Variants in KIF2C observed in about 807,000 individuals in gnomAD.
KIF2C encodes the protein kinesin family member 2C, also known as kinesin-like protein KIF2C.
In KIF2C, 34 loss-of-function variants were observed where a neutral mutation model predicts 97.4. The ratio of observed to expected loss-of-function variants is 0.35; its 90% CI spans 0.27 to 0.46. The LOEUF (loss-of-function observed/expected upper bound fraction) is 0.46. KIF2C is among the 20% of genes least tolerant of loss of function. The probability of loss-of-function intolerance (pLI) is 1.00; values close to 1 mark genes in which losing one functional copy is unlikely to be tolerated. For synonymous variants in KIF2C, 313 were observed against 318.2 expected, an observed-to-expected ratio of 0.98 and a Z score of 0.17; for missense variants, 750 against 907.6, an observed-to-expected ratio of 0.83 and a Z score of 2.23.
intron 7 of KIF2C, 43 bp from the exon 8 acceptor site, chr1:44,754,707 A>G: frequency 8.6e-7 from 1 of 1,166,562 alleles, no homozygotes; most frequent in East Asian, 2.3e-5. Flanking sequence ...GAGAGCACTT[A>G]TATCTTAACA....
Position 44,767,174 on chromosome 1 carries a change from C to T in KIF2C, c.2173C>T (p.Gln725Ter), listed in dbSNP as rs1390781975. Residue 725 changes from glutamine (Q) to a stop codon, truncating the protein, a stop_gained, in exon 21 of 21, where the codon CAG becomes TAG. Transcript: ENST00000372224. LOFTEE classifies it high-confidence loss of function. Reference sequence around the variant, plus strand: ...ACAAATAAGCAGCAAGAAACGGCCCCAGTGACGACTGCAAATAAAAATCTG... The same window carrying T: ...ACAAATAAGCAGCAAGAAACGGCCCTAGTGACGACTGCAAATAAAAATCTG... ...SRQISSKKRP[Q>*] is the part of the protein sequence containing the mutation. 1 of 1,613,876 alleles carries T rather than the reference C, an allele frequency of 6.2e-7. No individual in the cohort carries two copies. Among genetic ancestry groups the T allele is most frequent in the Non-Finnish European group, 8.5e-7 (1 of 1,179,928 alleles).
At chr1:44,765,101 CAG>C (rs996177747) in intron 19 of KIF2C, among the ~76,000 whole-genome samples, 6 of 152,046 alleles carry the variant, frequency 3.9e-5, no homozygotes, top group African/African-American at 1.4e-4. Flanking sequence ...GCCTGGGCAA[CAG>C]AGCAAGACTG....
In KIF2C at chr1:44,747,713, C is replaced by G. The variant is rs1440359110; in HGVS notation, c.316+13C>G. Reference sequence around the variant, plus strand: ...GCTCCAAAAGAAAGTAAGTGGATTTCTACTAGCTTACTATCATGGAATTTG... The same window carrying G: ...GCTCCAAAAGAAAGTAAGTGGATTTGTACTAGCTTACTATCATGGAATTTG... On this transcript the variant is annotated intron_variant, in intron 4 of 20. Coordinates refer to ENST00000372224, the MANE Select transcript of KIF2C (RefSeq NM_006845.4). The G allele has an allele frequency of 2.5e-6, 4 of 1,609,354 alleles. No homozygotes were observed. In the African/African-American group the frequency reaches 4.0e-5, roughly 16 times the overall value.
intron 19 of KIF2C, among the ~76,000 whole-genome samples, chr1:44,765,850 G>A (rs188396986): frequency 4.6e-5 from 7 of 152,320 alleles, no homozygotes; most frequent in Admixed American, 2.6e-4. Context: ...TCGGGAATTT[G>A]AGACCAGCCT....
chr1:44,766,856 A>T lies in KIF2C; in HGVS notation c.2002A>T (p.Met668Leu), dbSNP rs1188960032. The T allele has an allele frequency of 6.2e-7, 1 of 1,614,226 alleles. No homozygotes were observed. The highest frequency in any genetic ancestry group is 1.1e-5 in the South Asian group (1 of 91,084). Residue 668 changes from methionine to leucine, a missense_variant, in exon 20 of 21, where the codon ATG (methionine) becomes TTG (leucine). By Grantham distance (15) the Met-to-Leu change is conservative (BLOSUM62 2). Transcript: ENST00000372224. ...ACCAGACTGGCTTGAGCTCTCTGAG[A>T]TGACCGAGCAGCCAGACTATGACCT... Reference protein sequence around the residue: ...QGPDWLELSEMTEQPDYDLET... With the variant: ...QGPDWLELSELTEQPDYDLET...
intron 19 of KIF2C, among the ~76,000 whole-genome samples, chr1:44,764,948 C>T (rs185177951): frequency 0.016 from 2,462 of 151,952 alleles, 71 homozygotes; most frequent in Admixed American, 0.056. Flanking sequence ...GGTGAAACCC[C>T]GTCTCTACTA....
intron 1 of KIF2C, 146 bp downstream of exon 1, chr1:44,740,148 T>G (rs1252082715): frequency 4.2e-6 from 4 of 952,180 alleles, no homozygotes; most frequent in Non-Finnish European, 6.8e-6. Flanking sequence ...GTCTCTGCAC[T>G]GGCAGTCATT....
In KIF2C at chr1:44,767,505, A is replaced by G. The variant is rs565212067; in HGVS notation, c.*326A>G. 3.9e-5 allele frequency: 11 copies of G among 278,960 alleles called. No homozygotes were observed. Among genetic ancestry groups the G allele is most frequent in the African/African-American group, 2.4e-4 (11 of 45,796 alleles). The allele number at this position is 278,960 out of a possible 1,614,324, so 17.3% of individuals were successfully genotyped here. ...TCCTGCCTGCGTGGACTGGCTGCTA[A>G]TGGAGAGCTCCCTGGGGTTGTCCTG... On this transcript the variant is annotated 3_prime_UTR_variant, in exon 21 of 21. Transcript: ENST00000372224.
chr1:44,757,726 T>C, intron 11 of KIF2C, 80 bp downstream of exon 11: 2 of 1,175,938 alleles, frequency 1.7e-6, no homozygotes, highest in Admixed American at 1.7e-5. Flanking sequence ...AATGAGTTTG[T>C]TGAGAAAGGC....
chr1:44,739,956 G>C lies in KIF2C; in HGVS notation c.24G>C (p.Gln8His). 1 of 1,614,222 alleles carries C rather than the reference G, an allele frequency of 6.2e-7. No homozygotes were observed. The change falls in exon 1 of 21, where the codon CAG (glutamine) becomes CAC (histidine). Residue 8 changes from glutamine (Q) to histidine (H), a missense_variant. By Grantham distance (24) the Gln-to-His change is conservative. Transcript: ENST00000372224. ...GAATGGCCATGGACTCGTCGCTTCA[G>C]GCCCGCCTGTTTCCCGGTCTCGCTA... Reference protein sequence around the residue: MAMDSSLQARLFPGLAIK... With the variant: MAMDSSLHARLFPGLAIK...
At chr1:44,765,023 G>A (rs1251360681) in intron 19 of KIF2C, among the ~76,000 whole-genome samples, 2 of 152,156 alleles carry the variant, frequency 1.3e-5, no homozygotes, top group African/African-American at 4.8e-5. Flanking sequence ...GGGAGGCTGA[G>A]GCAGGAGAAT....
At chr1:44,752,104 G>A (rs1649556718) in intron 5 of KIF2C, among the ~76,000 whole-genome samples, 2 of 148,500 alleles carry the variant, frequency 1.3e-5, no homozygotes, top group Non-Finnish European at 3.0e-5. Flanking sequence ...ACAGGCTTGA[G>A]CCACTGCGCC....
rs750440205 is a variant in KIF2C, at chr1:44,757,653, A to T, written c.1068+7A>T. Reference sequence around the variant, plus strand: ...AGGAAGTGGCAAGACACATGTGAGTATTGAGGCCTGGCGGGGAAAGAGCCT... The same window carrying T: ...AGGAAGTGGCAAGACACATGTGAGTTTTGAGGCCTGGCGGGGAAAGAGCCT... On this transcript the variant is annotated splice_region_variant and intron_variant, in intron 11 of 20. Transcript: ENST00000372224. The T allele has an allele frequency of 3.8e-6, 6 of 1,596,506 alleles. No individual in the cohort carries two copies. In the South Asian group the frequency reaches 4.4e-5, roughly 12 times the overall value.
chr1:44,762,298 G>T lies in KIF2C; in HGVS notation c.1752-48G>T, dbSNP rs770152656. On this transcript the variant is annotated intron_variant, in intron 17 of 20. Transcript: ENST00000372224. Reference sequence around the variant, plus strand: ...CTGGGCGGTGCCACATTCCTCTGGTGAGTACCAAGGGGGTGCTGTGGGATC... The same window carrying T: ...CTGGGCGGTGCCACATTCCTCTGGTTAGTACCAAGGGGGTGCTGTGGGATC... 1.1e-5 allele frequency: 16 copies of T among 1,510,360 alleles called. No individual in the cohort carries two copies. The East Asian group carries it at 3.2e-4, about 30-fold the overall frequency. 93.6% of individuals were successfully genotyped at this position (1,510,360 alleles called of 1,614,324 possible). A position where few individuals can be genotyped will look rare whatever the true frequency, so the allele number is the denominator to read the frequency against.
At position 44,767,197 on chromosome 1, in the gene KIF2C, C is replaced by A; in HGVS notation, c.*18C>A. On this transcript the variant is annotated 3_prime_UTR_variant, in exon 21 of 21. Coordinates refer to ENST00000372224, the MANE Select transcript of KIF2C (RefSeq NM_006845.4). ...CCCAGTGACGACTGCAAATAAAAAT[C>A]TGTTTGGTTTGACACCCAGCCTCTT... 1.2e-6 allele frequency: 2 copies of A among 1,611,906 alleles called. No individual in the cohort carries two copies. Among genetic ancestry groups the A allele is most frequent in the Non-Finnish European group, 1.7e-6 (2 of 1,178,194 alleles).
rs1650529923 is a variant in KIF2C, at chr1:44,767,407, CTTAG to C, written c.*232_*235del. The C allele has an allele frequency of 2.2e-6, 1 of 460,298 alleles. No homozygotes were observed. The highest frequency in any genetic ancestry group is 2.2e-5 in the South Asian group (1 of 46,380). 28.5% of individuals were successfully genotyped at this position (460,298 alleles called of 1,614,324 possible). A position where few individuals can be genotyped will look rare whatever the true frequency, so the allele number is the denominator to read the frequency against. Reference sequence around the variant, plus strand: ...GTCGCCCTCACGAGAGGAAGGAGCTCTTAGTTACCCTTTTGTGTTGCCCTTCTTT... The same window carrying C: ...GTCGCCCTCACGAGAGGAAGGAGCTCTTACCCTTTTGTGTTGCCCTTCTTT... On this transcript the variant is annotated 3_prime_UTR_variant, in exon 21 of 21. Transcript: ENST00000372224.
chr1:44,756,896 A>G (rs1649872280), intron 10 of KIF2C, among the ~76,000 whole-genome samples: 1 of 150,516 alleles, frequency 6.6e-6, no homozygotes, highest in African/African-American at 2.4e-5. Flanking sequence ...CCTCATAGGG[A>G]TATTTACTTA....
rs1649282493 is a variant in KIF2C at position 44,747,636 on chromosome 1, T to G, written c.268-16T>G. ...GATAAGAGCCATATATTGTGACAAT[T>G]TGATTTGTTTTTCAGAAACAAAAAC... On this transcript the variant is annotated splice_polypyrimidine_tract_variant and intron_variant, in intron 3 of 20. Coordinates refer to ENST00000372224, the MANE Select transcript of KIF2C (RefSeq NM_006845.4). 12 of 1,613,344 alleles carry G rather than the reference T, an allele frequency of 7.4e-6. No homozygotes were observed. The East Asian group carries it at 2.7e-4, about 36-fold the overall frequency.
At chr1:44,765,464 AAAAAG>A (rs1032839944) in intron 19 of KIF2C, among the ~76,000 whole-genome samples, 42 of 138,262 alleles carry the variant, frequency 3.0e-4, no homozygotes, top group Middle Eastern at 3.5e-3. Flanking sequence ...ATAATAATAA[AAAAAG>A]AAAGAAAGAA....
Sources: allele counts gnomAD v4.1 joint callset (sites outside exome capture counted in the v4.1 genomes callset), GRCh38; gene constraint gnomAD v4.1.1; transcripts MANE v1.5; gene names NCBI Gene and HGNC (gene_info 2026-07-23, HGNC 2026-07-21).